Variants in MRAS observed in about 807,000 individuals in gnomAD.
MRAS encodes muscle RAS oncogene homolog, also known as ras-related protein M-Ras.
In MRAS, 4 loss-of-function variants were observed where a neutral mutation model predicts 20.9. The observed-to-expected ratio is 0.19, with a 90% confidence interval of 0.09 to 0.44. The LOEUF (loss-of-function observed/expected upper bound fraction) is 0.44. Ranked by LOEUF, MRAS falls within the 20% of genes least tolerant of loss-of-function variation. MRAS has a pLI of 0.99. For synonymous variants in MRAS, 98 were observed against 102.9 expected, an observed-to-expected ratio of 0.95 and a Z score of 0.29; for missense variants, 154 against 277.5, an observed-to-expected ratio of 0.56 and a Z score of 3.16.
chr3:138,351,214 T>G (rs2054220450), intron 1 of MRAS, among the ~76,000 whole-genome samples: 1 of 151,610 alleles, frequency 6.6e-6, no homozygotes, highest in Non-Finnish European at 1.5e-5. Flanking sequence ...CCAAACAGAG[T>G]GTGTCTCCCT....
intron 2 of MRAS, among the ~76,000 whole-genome samples, chr3:138,395,019 C>CCTTTCTTTTT (rs2055206263): frequency 6.6e-6 from 1 of 152,014 alleles, no homozygotes; most frequent in African/African-American, 2.4e-5. Flanking sequence ...CTAGAGCATG[C>CCTTTCTTTTT]CTTTCTTTTT....
At chr3:138,370,129 C>G (rs1483676788) in intron 1 of MRAS, among the ~76,000 whole-genome samples, 3 of 152,038 alleles carry the variant, frequency 2.0e-5, no homozygotes, top group Admixed American at 2.0e-4. Flanking sequence ...ATCATCCTGG[C>G]CAACATGGTG....
chr3:138,350,585 T>C (rs530144510), intron 1 of MRAS, among the ~76,000 whole-genome samples: 1 of 152,284 alleles, frequency 6.6e-6, no homozygotes, highest in African/African-American at 2.4e-5. Context: ...AGCAAGCGAT[T>C]GTCTCCAGCG....
At chr3:138,393,922 C>G (rs2055180588) in intron 2 of MRAS, among the ~76,000 whole-genome samples, 2 of 152,234 alleles carry the variant, frequency 1.3e-5, no homozygotes, top group Middle Eastern at 3.4e-3. Context: ...AACTCCTGAC[C>G]TCAGGTGATC....
At chr3:138,363,060 G>A (rs763550288) in intron 1 of MRAS, among the ~76,000 whole-genome samples, 9 of 151,276 alleles carry the variant, frequency 5.9e-5, no homozygotes, top group South Asian at 4.2e-4. Context: ...TTTTTGAGAC[G>A]GAGTCTTGCT....
intron 2 of MRAS, among the ~76,000 whole-genome samples, chr3:138,388,433 T>A (rs1235219200): frequency 6.6e-6 from 1 of 152,216 alleles, no homozygotes; most frequent in East Asian, 1.9e-4. Flanking sequence ...GCACAGTGGC[T>A]CACGCCTGTA....
At chr3:138,365,497 G>A (rs908329767) in intron 1 of MRAS, among the ~76,000 whole-genome samples, 1 of 152,214 alleles carries the variant, frequency 6.6e-6, no homozygotes, top group African/African-American at 2.4e-5. Flanking sequence ...TGGATCTCTG[G>A]ACTTCTGTCT....
chr3:138,354,685 C>T (rs1280695920), intron 1 of MRAS, among the ~76,000 whole-genome samples: 3 of 152,156 alleles, frequency 2.0e-5, no homozygotes, highest in Non-Finnish European at 4.4e-5. Context: ...GTCATAGCTG[C>T]CTAAACTGAA....
intron 4 of MRAS, 50 bp downstream of exon 4, chr3:138,398,618 T>C: frequency 6.5e-7 from 1 of 1,533,730 alleles, no homozygotes; most frequent in Non-Finnish European, 9.0e-7. Flanking sequence ...GTAAAAGCTG[T>C]AGCCTGGTCA....
At position 138,403,193 on chromosome 3, in the gene MRAS, C is replaced by T. The variant is rs1208577244; in HGVS notation, c.*924C>T. On this transcript the variant is annotated 3_prime_UTR_variant, in exon 6 of 6. Transcript: ENST00000423968. ...GTATGGGTTAAGTTCTCTGCCCTCC[C>T]CAGGGGTCTGAGGAGGCTCTGGGTT... The T allele has an allele frequency of 6.6e-6, 1 of 152,148 alleles. No homozygotes were observed. The highest frequency in any genetic ancestry group is 1.5e-5 in the Non-Finnish European group (1 of 68,028). The allele number at this position is 152,148 out of a possible 1,614,324, so 9.4% of individuals were successfully genotyped here.
chr3:138,375,370 T>A (rs2054762360), intron 2 of MRAS, among the ~76,000 whole-genome samples: 1 of 152,258 alleles, frequency 6.6e-6, no homozygotes, highest in Non-Finnish European at 1.5e-5. Context: ...AATTTTGGTA[T>A]CAGAGTAATG....
At chr3:138,350,302 C>G (rs1427427677) in intron 1 of MRAS, 1 of 152,186 alleles carries the variant, frequency 6.6e-6, no homozygotes, top group East Asian at 1.9e-4. Context: ...GAAAATGTTT[C>G]GGGCAATGGT....
intron 2 of MRAS, among the ~76,000 whole-genome samples, chr3:138,388,569 C>T (rs924097256): frequency 2.6e-5 from 4 of 151,996 alleles, no homozygotes; most frequent in Non-Finnish European, 4.4e-5. Context: ...AGTGGGGATG[C>T]GCACCTGTAA....
intron 1 of MRAS, among the ~76,000 whole-genome samples, chr3:138,357,197 T>C (rs73864514): frequency 0.014 from 2,131 of 152,318 alleles, 53 homozygotes; most frequent in African/African-American, 0.049. Context: ...AGAGCCCCTT[T>C]GTGTGGAAGG....
intron 2 of MRAS, among the ~76,000 whole-genome samples, chr3:138,390,448 A>AACGCAC (rs1383208472): frequency 3.3e-5 from 5 of 152,006 alleles, no homozygotes; most frequent in African/African-American, 9.7e-5. Flanking sequence ...CTCTCTCACA[A>AACGCAC]ACGCACACGC....
intron 3 of MRAS, 98 bp from the exon 4 acceptor site, chr3:138,398,370 TG>T: frequency 2.1e-6 from 2 of 944,474 alleles, no homozygotes; most frequent in Non-Finnish European, 1.7e-6. Context: ...GGAGGTGCTG[TG>T]GGCTGGCTGT....
At chr3:138,386,817 A>G (rs770041084) in intron 2 of MRAS, among the ~76,000 whole-genome samples, 14 of 152,282 alleles carry the variant, frequency 9.2e-5, no homozygotes, top group Admixed American at 7.2e-4. Context: ...TCACCAGTCA[A>G]TGGACATTTG....
chr3:138,361,793 G>A (rs529543187), intron 1 of MRAS, among the ~76,000 whole-genome samples: 4 of 152,324 alleles, frequency 2.6e-5, no homozygotes, highest in Non-Finnish European at 5.9e-5. Context: ...CCAGCATGAC[G>A]TTCCCAATTG....
intron 2 of MRAS, among the ~76,000 whole-genome samples, chr3:138,381,257 T>G (rs889010650): frequency 4.6e-5 from 7 of 152,254 alleles, no homozygotes; most frequent in African/African-American, 1.7e-4. Context: ...AGAGTTCTTG[T>G]GTGCCTATTT....
Sources: gnomAD v4.1 joint callset for allele counts (sites outside exome capture counted in the v4.1 genomes callset) on GRCh38, gnomAD v4.1.1 for gene constraint, MANE v1.5 for transcripts, NCBI Gene and HGNC (gene_info 2026-07-23, HGNC 2026-07-21) for gene names.